CCNL1: variants seen among roughly 807,000 people sequenced by gnomAD.
CCNL1 encodes the protein cyclin-L1.
In CCNL1, 13 loss-of-function variants were observed where a neutral mutation model predicts 60.6. That is an observed-to-expected ratio of 0.21 (90% CI 0.14 to 0.34). CCNL1 has a LOEUF of 0.34. Among genes scored for constraint, CCNL1 ranks in the 10% least tolerant of loss-of-function variants. The pLI is 1.00. For missense variants in CCNL1, 481 were observed against 664.3 expected (o/e 0.72, Z 3.03); for synonymous variants, 270 against 244.3 (o/e 1.10, Z -0.98).
rs202095674 is a variant in CCNL1 at position 157,148,326 on chromosome 3, C to T, written c.1496G>A (p.Arg499His). Reference sequence around the variant, plus strand: ...CCTCTCAAAGGAGCGAGATCGTTCACGCCTGTCCCTATGATGTCCCCTTTC... The same window carrying T: ...CCTCTCAAAGGAGCGAGATCGTTCATGCCTGTCCCTATGATGTCCCCTTTC... The part of the protein sequence containing the change: ...RHERGHHRDR[R>H]ERSRSFERSH... Residue 499 changes from arginine to histidine, a missense_variant, in exon 11 of 11, where the codon CGT becomes CAT. Arg to His is a conservative substitution (Grantham distance 29). Transcript: ENST00000295926. 1.6e-5 allele frequency: 26 copies of T among 1,614,212 alleles called. No homozygotes were observed. The highest frequency in any genetic ancestry group is 6.7e-5 in the East Asian group (3 of 44,894).
chr3:157,149,395 A>G lies in CCNL1; in HGVS notation c.1134-10T>C, dbSNP rs757455009. 1.2e-5 allele frequency: 19 copies of G among 1,612,618 alleles called. No individual in the cohort carries two copies. Among genetic ancestry groups the G allele is most frequent in the Admixed American group, 1.7e-5 (1 of 60,004 alleles). ...GCTGTCTTTTCTTACACTTCAAAAA[A>G]TCATGACATATTAGTTACAAACTTA... is the stretch of plus-strand genomic sequence containing the variant. On this transcript the variant is annotated splice_polypyrimidine_tract_variant and intron_variant, in intron 9 of 10. Transcript: ENST00000295926.
chr3:157,144,150 C>A (rs376097810), downstream of CCNL1, among the ~76,000 whole-genome samples: 15 of 152,080 alleles, frequency 9.9e-5, no homozygotes, highest in African/African-American at 3.6e-4. Flanking sequence ...GAAGAGGACA[C>A]CTGGAATCAA....
chr3:157,152,406 A>C (rs781740980), intron 4 of CCNL1, 165 bp from the exon 5 acceptor site: 90 of 1,310,176 alleles, frequency 6.9e-5, no homozygotes, highest in Non-Finnish European at 8.4e-5. Flanking sequence ...CTGCTACATG[A>C]CTAGATTTTA....
rs1738983611 is a variant in CCNL1, at chr3:157,160,109, G to GCACGCAAGCCC, written c.-26_-16dup. 6.5e-7 allele frequency: 1 copy of GCACGCAAGCCC among 1,534,262 alleles called. No homozygotes were observed. Among genetic ancestry groups the GCACGCAAGCCC allele is most frequent in the African/African-American group, 1.4e-5 (1 of 72,738 alleles). On this transcript the variant is annotated 5_prime_UTR_variant, in exon 1 of 11. Coordinates refer to ENST00000295926, the MANE Select transcript of CCNL1 (RefSeq NM_020307.4). ...CCGGACGCCATAGTCTTAGCGAGCC[G>GCACGCAAGCCC]CACGCAAGCCCAACGCAGCCGGAAC...
At chr3:157,159,574 C>T (rs1738909530) in intron 1 of CCNL1, 95 bp from the exon 2 acceptor site, 3 of 1,226,512 alleles carry the variant, frequency 2.4e-6, no homozygotes, top group Non-Finnish European at 3.5e-6. Flanking sequence ...TCCCTTTCCC[C>T]TCCCGCCGCC....
downstream of CCNL1, among the ~76,000 whole-genome samples, chr3:157,145,251 T>C (rs183721838): frequency 6.6e-6 from 1 of 151,480 alleles, no homozygotes; most frequent in African/African-American, 2.4e-5. Context: ...CTGGCTAACA[T>C]AGGTGAAACC....
In CCNL1 at chr3:157,148,048, T is replaced by C; in HGVS notation, c.*193A>G. 2.2e-6 allele frequency: 3 copies of C among 1,378,062 alleles called. No homozygotes were observed. The highest frequency in any genetic ancestry group is 2.8e-6 in the Non-Finnish European group (3 of 1,071,072). The allele number at this position is 1,378,062 out of a possible 1,614,324, so 85.4% of individuals were successfully genotyped here. A position where few individuals can be genotyped will look rare whatever the true frequency, so the allele number is the denominator to read the frequency against. ...ACCATGGTTTTTAATTAGATACTGC[T>C]AGGGCATTTTAATGTGCAAAAAAAT... On this transcript the variant is annotated 3_prime_UTR_variant, in exon 11 of 11. Coordinates refer to ENST00000295926, the MANE Select transcript of CCNL1 (RefSeq NM_020307.4).
intron 3 of CCNL1, among the ~76,000 whole-genome samples, chr3:157,154,975 A>G (rs78976322): frequency 7.5e-6 from 1 of 133,338 alleles, no homozygotes; most frequent in Admixed American, 7.4e-5. Flanking sequence ...CATACATATA[A>G]ACATATTCCA....
chr3:157,144,024 G>C (rs982757911), downstream of CCNL1, among the ~76,000 whole-genome samples: 1 of 152,184 alleles, frequency 6.6e-6, no homozygotes, highest in Non-Finnish European at 1.5e-5. Context: ...TACCAGAAAA[G>C]TGATAGCTGA....
rs187604117 is a variant in CCNL1, at chr3:157,152,256, A to G, written c.610-15T>C. 1.0e-4 allele frequency: 162 copies of G among 1,602,852 alleles called. No individual in the cohort carries two copies. The Admixed American group carries it at 1.8e-3, about 18-fold the overall frequency. The stretch of plus-strand genomic sequence containing the variant: ...ATAACAATGATCTGAAGGACAAGGG[A>G]AAAAAACTCAATTCAGTATACTGGT... On this transcript the variant is annotated splice_polypyrimidine_tract_variant and intron_variant, in intron 4 of 10. Coordinates refer to ENST00000295926, the MANE Select transcript of CCNL1 (RefSeq NM_020307.4).
downstream of CCNL1, chr3:157,146,666 C>T: frequency 2.7e-6 from 1 of 371,780 alleles, no homozygotes; most frequent in South Asian, 2.1e-5. Context: ...CTAACAGGGC[C>T]TTTGCTGACA....
intron 3 of CCNL1, chr3:157,153,415 G>T: frequency 3.0e-6 from 1 of 335,236 alleles, no homozygotes; most frequent in Non-Finnish European, 5.5e-6. Context: ...ATTCATCCCT[G>T]CCAACTTTTC....
chr3:157,152,846 A>G (rs1738297170), intron 4 of CCNL1, 190 bp downstream of exon 4: 1 of 1,339,696 alleles, frequency 7.5e-7, no homozygotes, highest in African/African-American at 1.5e-5. Context: ...TTGAACCTAC[A>G]TTTTTGACTG....
chr3:157,157,184 C>A lies in CCNL1; in HGVS notation c.488+1682G>T, dbSNP rs1480795613. 1.6e-5 allele frequency: 17 copies of A among 1,075,628 alleles called. No homozygotes were observed. The East Asian group carries it at 1.0e-3, about 64-fold the overall frequency. The allele number at this position is 1,075,628 out of a possible 1,614,324, so 66.6% of individuals were successfully genotyped here. Reference sequence around the variant, plus strand: ...AATATGCATAGAAACACTTTTACATCCTGCTTTAAAAAAAGGCTTCCATGC... The same window carrying A: ...AATATGCATAGAAACACTTTTACATACTGCTTTAAAAAAAGGCTTCCATGC... On this transcript the variant is annotated intron_variant, in intron 3 of 10. Transcript: ENST00000295926.
At chr3:157,152,074 C>A in intron 5 of CCNL1, 103 bp downstream of exon 5, 1 of 1,522,356 alleles carries the variant, frequency 6.6e-7, no homozygotes, top group South Asian at 1.3e-5. Flanking sequence ...AACGAAAAGC[C>A]CCAAACAAAC....
At chr3:157,152,141 T>C in intron 5 of CCNL1, 36 bp downstream of exon 5, 1 of 1,599,418 alleles carries the variant, frequency 6.3e-7, no homozygotes, top group Non-Finnish European at 8.5e-7. Flanking sequence ...GCTTCTGTTT[T>C]CCTGGCTAGG....
chr3:157,159,532 G>A (rs977008035), intron 1 of CCNL1, 53 bp from the exon 2 acceptor site: 96 of 1,513,706 alleles, frequency 6.3e-5, no homozygotes, highest in Non-Finnish European at 8.5e-5. Context: ...GCCCGCTCCA[G>A]GCGCCGCCGC....
At chr3:157,145,326 T>A (rs1037225067), downstream of CCNL1, among the ~76,000 whole-genome samples, 4 of 149,978 alleles carry the variant, frequency 2.7e-5, no homozygotes, top group Admixed American at 2.7e-4. Flanking sequence ...TATTCCCAGC[T>A]ACTCAGGAGG....
intron 5 of CCNL1, chr3:157,150,678 G>A: frequency 9.3e-7 from 1 of 1,073,756 alleles, no homozygotes; most frequent in Non-Finnish European, 1.1e-6. Context: ...AAAAAGCAAT[G>A]CTTTTCAAAG....
Sources: allele counts gnomAD v4.1 joint callset (sites outside exome capture counted in the v4.1 genomes callset), GRCh38; gene constraint gnomAD v4.1.1; transcripts MANE v1.5; gene names NCBI Gene and HGNC (gene_info 2026-07-23, HGNC 2026-07-21).